The following UBR4 variants were observed in gnomAD, a reference collection of about 807,000 sequenced individuals.
UBR4 encodes the protein E3 ubiquitin-protein ligase UBR4.
A neutral mutation model predicts 575.6 loss-of-function variants in UBR4; 124 were observed. The observed-to-expected ratio is 0.22, with a 90% CI of 0.19 to 0.25. The LOEUF (loss-of-function observed/expected upper bound fraction) is 0.25, where lower values mean the gene tolerates loss of function less well. Ranked by LOEUF, UBR4 falls within the 10% of genes least tolerant of loss-of-function variation. The probability of loss-of-function intolerance (pLI) is 1.00; values close to 1 mark genes in which losing one functional copy is unlikely to be tolerated. For synonymous variants in UBR4, 2,455 were observed against 2,473.7 expected (o/e 0.99, Z 0.22); for missense variants, 4,818 against 6,478.8 (o/e 0.74, Z 8.80).
chr1:19,081,124 G>C (rs115201698), intron 103 of UBR4: 1 of 508,226 alleles, frequency 2.0e-6, no homozygotes, highest in Non-Finnish European at 3.5e-6. Flanking sequence ...AGGTAAGACT[G>C]GCTCTACCTT....
Position 19,095,593 on chromosome 1 carries a change from G to T in UBR4, c.13578C>A (p.Val4526=). ...CGTTCAAGGTGTTCATTTCCAGTTT[G>T]ACCAGTTGCTGCCGGTTGACTTTCA... The part of the protein sequence containing the change: ...VKVKVNRQQL[V]KLEMNTLNVM... Residue 4526 remains valine (V), a synonymous_variant, in exon 93 of 106, where the codon GTC becomes GTA. Coordinates refer to ENST00000375254, the MANE Select transcript of UBR4 (RefSeq NM_020765.3). 1 of 1,614,080 alleles carries T rather than the reference G, an allele frequency of 6.2e-7. No individual in the cohort carries two copies. Among genetic ancestry groups the T allele is most frequent in the Non-Finnish European group, 8.5e-7 (1 of 1,180,008 alleles).
At position 19,198,021 on chromosome 1, in the gene UBR4, G is replaced by T. The variant is rs1281984812; in HGVS notation, c.677C>A (p.Ser226Tyr). 1 of 1,613,890 alleles carries T rather than the reference G, an allele frequency of 6.2e-7. No individual in the cohort carries two copies. Among genetic ancestry groups the T allele is most frequent in the Non-Finnish European group, 8.5e-7 (1 of 1,180,044 alleles). ...LVEGENDEQS[S>Y]TDQASAIKTK... ...TTTGATAGCTGAGGCTTGATCTGTA[G>T]ATGACTGCTCATCATTTTCTCCTTC... Residue 226 changes from serine to tyrosine, a missense_variant, in exon 6 of 106, where the codon TCT (serine) becomes TAT (tyrosine). Physicochemically the swap from Ser to Tyr is moderately radical, Grantham distance 144. Coordinates refer to ENST00000375254, the MANE Select transcript of UBR4 (RefSeq NM_020765.3).
intron 8 of UBR4, among the ~76,000 whole-genome samples, chr1:19,195,035 C>A (rs1250499867): frequency 6.6e-6 from 1 of 150,992 alleles, no homozygotes; most frequent in Non-Finnish European, 1.5e-5. Flanking sequence ...CCAAGGCGGG[C>A]GGATCACGAG....
intron 14 of UBR4, among the ~76,000 whole-genome samples, chr1:19,185,573 CTTTTTTT>C (rs3068081): frequency 0.023 from 2,894 of 128,620 alleles, 40 homozygotes; most frequent in South Asian, 0.065. Context: ...TTTCTTTTTT[CTTTTTTT>C]TTTTTTTTTT....
chr1:19,167,213 G>T lies in UBR4; in HGVS notation c.3918C>A (p.Asn1306Lys), dbSNP rs368226015. 47 of 1,614,070 alleles carry T rather than the reference G, an allele frequency of 2.9e-5. No homozygotes were observed. Among genetic ancestry groups the T allele is most frequent in the Non-Finnish European group, 3.6e-5 (42 of 1,180,044 alleles). The change falls in exon 29 of 106, where the codon AAC (asparagine) becomes AAA (lysine). Residue 1306 changes from asparagine (N) to lysine (K), a missense_variant. Transcript: ENST00000375254. Reference protein sequence around the residue: ...GDLIVWSDEMNPPQVIRTLLP... With the variant: ...GDLIVWSDEMKPPQVIRTLLP... ...GCAGTGTCCGAATTACCTGTGGTGG[G>T]TTCATCTCATCTGACCAACTTCAGC...
chr1:19,113,295 A>G, intron 77 of UBR4: 1 of 260,888 alleles, frequency 3.8e-6, no homozygotes, highest in Non-Finnish European at 7.3e-6. Flanking sequence ...AACTGACACA[A>G]GGCCCACCCT....
At chr1:19,173,363 A>G in intron 23 of UBR4, 57 bp from the exon 24 acceptor site, 2 of 1,611,248 alleles carry the variant, frequency 1.2e-6, no homozygotes, top group Non-Finnish European at 1.7e-6. Context: ...AGCTTTCATT[A>G]TCTTCAAATT....
intron 100 of UBR4, 78 bp downstream of exon 100, chr1:19,086,601 C>T (rs1055304516): frequency 1.7e-5 from 26 of 1,568,458 alleles, no homozygotes; most frequent in East Asian, 1.1e-4. Flanking sequence ...TTTAAAACCA[C>T]GAGGATGGCA....
At chr1:19,124,920 TA>T (rs1406589721) in intron 64 of UBR4, among the ~76,000 whole-genome samples, 1 of 152,076 alleles carries the variant, frequency 6.6e-6, no homozygotes, top group Non-Finnish European at 1.5e-5. Context: ...CCTCACTTCC[TA>T]AAAGTCCTAA....
intron 60 of UBR4, among the ~76,000 whole-genome samples, chr1:19,129,828 A>G (rs894795731): frequency 6.6e-6 from 1 of 152,212 alleles, no homozygotes; most frequent in African/African-American, 2.4e-5. Flanking sequence ...ACACAATCTC[A>G]TACAGATTAA....
chr1:19,199,586 C>T (rs1479448862), intron 3 of UBR4, 65 bp downstream of exon 3: 106 of 1,465,276 alleles, frequency 7.2e-5, no homozygotes, highest in Non-Finnish European at 9.3e-5. Context: ...GACCTCTACT[C>T]TATTCCACTA....
intron 9 of UBR4, 40 bp downstream of exon 9, chr1:19,193,393 G>T (rs72651403): frequency 6.2e-7 from 1 of 1,605,244 alleles, no homozygotes; most frequent in South Asian, 1.1e-5. Flanking sequence ...TCCCTCATTT[G>T]AACAATCAAG....
At chr1:19,205,449 A>ATAGAAT (rs1018806923) in intron 1 of UBR4, among the ~76,000 whole-genome samples, 19 of 152,306 alleles carry the variant, frequency 1.2e-4, no homozygotes, top group African/African-American at 4.6e-4. Context: ...TCTAGTATAT[A>ATAGAAT]TAGAATCCAT....
chr1:19,161,925 C>A, intron 35 of UBR4, 28 bp from the exon 36 acceptor site: 2 of 1,612,694 alleles, frequency 1.2e-6, no homozygotes, highest in South Asian at 2.2e-5. Context: ...CTTTTTAATT[C>A]GAAATATATC....
At chr1:19,163,067 A>C (rs1380920123) in intron 34 of UBR4, among the ~76,000 whole-genome samples, 1 of 152,222 alleles carries the variant, frequency 6.6e-6, no homozygotes, top group Non-Finnish European at 1.5e-5. Context: ...AAGAGAAAAA[A>C]ATTCTAGCAA....
In UBR4 at chr1:19,150,702, C is replaced by T. The variant is rs34498972; in HGVS notation, c.7305G>A (p.Glu2435=). The T allele has an allele frequency of 3.3e-3, 5,367 of 1,614,020 alleles. 182 individuals are homozygous for T. The African/African-American group carries it at 0.064, about 19-fold the overall frequency. Residue 2435 remains glutamate, a synonymous_variant, in exon 49 of 106, where the codon GAG becomes GAA. Coordinates refer to ENST00000375254, the MANE Select transcript of UBR4 (RefSeq NM_020765.3). ...KTKEQFGWPD[E]PPEEFPSASV... ...AGGCAGAAGGGAATTCTTCTGGGGG[C>T]TCATCAGGCCAGCCAAACTGCTCCT...
Position 19,088,932 on chromosome 1 carries a change from G to C in UBR4, c.14257C>G (p.Gln4753Glu). The C allele has an allele frequency of 6.2e-7, 1 of 1,614,224 alleles. No individual in the cohort carries two copies. Among genetic ancestry groups the C allele is most frequent in the Non-Finnish European group, 8.5e-7 (1 of 1,180,048 alleles). ...DSIPNLHKLE[Q>E]VSSDEGIGTL... ...CCAATGCCCTCATCACTGGACACCT[G>C]CTCCAGCTTATGCAGGTTCGGGATG... Residue 4753 changes from glutamine (Q) to glutamate (E), a missense_variant, in exon 98 of 106, where the codon CAG becomes GAG. Around this residue, in one of 29 missense-constraint regions of UBR4, gnomAD observed 196 missense variants for 386.8 expected, o/e 0.51. Coordinates refer to ENST00000375254, the MANE Select transcript of UBR4 (RefSeq NM_020765.3). This position sits in a 1 kb window ranked among gnomAD's most constrained non-coding sequence, Gnocchi z 4.0.
chr1:19,074,876 C>G lies in UBR4; in HGVS notation c.15508G>C (p.Asp5170His), dbSNP rs766269745. Residue 5170 changes from aspartate (D) to histidine (H), a missense_variant, in exon 106 of 106, where the codon GAT (aspartate) becomes CAT (histidine). Asp to His is a moderately conservative substitution (Grantham distance 81). Coordinates refer to ENST00000375254, the MANE Select transcript of UBR4 (RefSeq NM_020765.3). ...DVAGLLSEIT[D>H]PESFLKDLLN... The stretch of plus-strand genomic sequence containing the variant: ...AGGTCCTTCAGGAAGCTCTCTGGAT[C>G]GGTGATTTCTGATAAAAGACCTGCA... The G allele has an allele frequency of 6.2e-7, 1 of 1,614,008 alleles. No individual in the cohort carries two copies. Among genetic ancestry groups the G allele is most frequent in the Non-Finnish European group, 8.5e-7 (1 of 1,179,940 alleles).
chr1:19,114,115 T>G, intron 75 of UBR4, 45 bp from the exon 76 acceptor site: 1 of 1,591,410 alleles, frequency 6.3e-7, no homozygotes, highest in South Asian at 1.1e-5. Context: ...TTTTGGCTGA[T>G]GACTTTCCCT....
Sources: allele counts gnomAD v4.1 joint callset (sites outside exome capture counted in the v4.1 genomes callset), GRCh38; gene constraint gnomAD v4.1.1; regional missense constraint gnomAD v4.1.1; non-coding constraint Gnocchi (gnomAD v3.1); transcripts MANE v1.5; gene names NCBI Gene and HGNC (gene_info 2026-07-23, HGNC 2026-07-21).